Variants in GSK3B observed in about 807,000 individuals in gnomAD.
GSK3B encodes the protein glycogen synthase kinase 3 beta.
In GSK3B, 15 loss-of-function variants were observed where a neutral mutation model predicts 56.4. The observed-to-expected ratio is 0.27, with a 90% CI of 0.18 to 0.41. The LOEUF is 0.41. GSK3B is among the 10% of genes least tolerant of loss of function. GSK3B has a pLI of 1.00. For missense variants in GSK3B, 300 were observed against 513.4 expected, an observed-to-expected ratio of 0.58 and a Z score of 4.02; for synonymous variants, 181 against 188.9, an observed-to-expected ratio of 0.96 and a Z score of 0.34.
chr3:119,951,260 C>T (rs2057153656), intron 2 of GSK3B, among the ~76,000 whole-genome samples: 1 of 152,190 alleles, frequency 6.6e-6, no homozygotes, highest in Non-Finnish European at 1.5e-5. Flanking sequence ...TCCCAACTCA[C>T]ATATAGGATC....
In GSK3B at chr3:120,093,553, A is replaced by C. The variant is rs200974811; in HGVS notation, c.-119T>G. The C allele has an allele frequency of 1.0e-5, 7 of 670,810 alleles. No individual in the cohort carries two copies. Among genetic ancestry groups the C allele is most frequent in the Non-Finnish European group, 1.9e-5 (7 of 376,160 alleles). The allele number at this position is 670,810 out of a possible 1,614,324, so 41.6% of individuals were successfully genotyped here. ...TTAAGTTCTCCCACAGAAGAAAAAG[A>C]AAAAGACTTCGTCCTCTTGGCTTTT... On this transcript the variant is annotated 5_prime_UTR_variant, in exon 1 of 11. Coordinates refer to ENST00000264235, the MANE Select transcript of GSK3B (RefSeq NM_001146156.2).
intron 1 of GSK3B, among the ~76,000 whole-genome samples, chr3:120,078,125 T>C (rs2058382297): frequency 6.6e-6 from 1 of 152,018 alleles, no homozygotes; most frequent in Admixed American, 6.6e-5. Context: ...GACCACAAAC[T>C]TTTTTCTAAT....
intron 2 of GSK3B, among the ~76,000 whole-genome samples, chr3:119,982,799 G>A (rs977101634): frequency 2.6e-5 from 4 of 152,188 alleles, no homozygotes; most frequent in Admixed American, 2.0e-4. Flanking sequence ...TATTATCCAG[G>A]AGAACTTCCC....
intron 10 of GSK3B, among the ~76,000 whole-genome samples, chr3:119,834,245 A>G (rs778800241): frequency 2.6e-5 from 4 of 152,214 alleles, no homozygotes; most frequent in African/African-American, 9.6e-5. Flanking sequence ...CTGTAAAACT[A>G]TGTCTTAGAT....
intron 2 of GSK3B, among the ~76,000 whole-genome samples, chr3:119,979,046 T>C (rs1047103043): frequency 1.3e-5 from 2 of 152,246 alleles, no homozygotes; most frequent in Non-Finnish European, 2.9e-5. Context: ...CTCTCCACTG[T>C]GCTGTCTCCT....
intron 7 of GSK3B, among the ~76,000 whole-genome samples, chr3:119,895,402 T>G (rs1044099634): frequency 1.4e-5 from 2 of 147,598 alleles, no homozygotes; most frequent in Admixed American, 1.3e-4. Flanking sequence ...GATATCTCTT[T>G]GACATACTGA....
At chr3:119,842,434 A>C (rs1367540420) in intron 10 of GSK3B, among the ~76,000 whole-genome samples, 2 of 152,128 alleles carry the variant, frequency 1.3e-5, no homozygotes, top group African/African-American at 4.8e-5. Context: ...TATAAGTATA[A>C]ACTTATAATT....
At chr3:120,029,131 G>A (rs1172225658) in intron 1 of GSK3B, 8 of 717,644 alleles carry the variant, frequency 1.1e-5, no homozygotes, top group Admixed American at 2.2e-5. Context: ...GAGTTATTTT[G>A]ATGATATAAA....
intron 1 of GSK3B, among the ~76,000 whole-genome samples, chr3:120,089,340 T>C (rs1044875037): frequency 1.3e-5 from 2 of 152,188 alleles, no homozygotes; most frequent in African/African-American, 4.8e-5. Context: ...GGAAGTCGGG[T>C]TGGGAAATGA....
intron 7 of GSK3B, among the ~76,000 whole-genome samples, chr3:119,896,615 GA>G (rs1317232280): frequency 1.3e-5 from 2 of 152,066 alleles, no homozygotes; most frequent in Non-Finnish European, 2.9e-5. Context: ...TTAAAAACTA[GA>G]AATGCCCCTT....
chr3:119,860,907 T>A (rs1577321327), intron 9 of GSK3B, among the ~76,000 whole-genome samples: 1 of 152,202 alleles, frequency 6.6e-6, no homozygotes, highest in Non-Finnish European at 1.5e-5. Flanking sequence ...GTTATGAGGA[T>A]GGAGGAGGGC....
At chr3:120,070,615 T>G (rs1308242221) in intron 1 of GSK3B, among the ~76,000 whole-genome samples, 1 of 152,042 alleles carries the variant, frequency 6.6e-6, no homozygotes, top group Non-Finnish European at 1.5e-5. Context: ...CACTTTACAG[T>G]CGTGTCTGAA....
chr3:119,981,202 T>A (rs2057457613), intron 2 of GSK3B, among the ~76,000 whole-genome samples: 1 of 152,116 alleles, frequency 6.6e-6, no homozygotes, highest in African/African-American at 2.4e-5. Flanking sequence ...TCAACAAAAG[T>A]AAAGTTTACT....
intron 1 of GSK3B, among the ~76,000 whole-genome samples, chr3:120,044,976 T>C (rs979464405): frequency 6.6e-6 from 1 of 152,354 alleles, no homozygotes; most frequent in African/African-American, 2.4e-5. Flanking sequence ...GGTGGTTCAA[T>C]AAATGAAAAG....
chr3:119,890,640 T>C (rs2056490993), intron 7 of GSK3B, among the ~76,000 whole-genome samples: 1 of 151,704 alleles, frequency 6.6e-6, no homozygotes, highest in Non-Finnish European at 1.5e-5. Context: ...TTGACCAGGG[T>C]AGTGGTTATA....
intron 7 of GSK3B, among the ~76,000 whole-genome samples, chr3:119,902,930 G>C (rs928448555): frequency 1.3e-5 from 2 of 151,816 alleles, no homozygotes; most frequent in Non-Finnish European, 2.9e-5. Flanking sequence ...CCCTAGGCTA[G>C]TCTCAAACTC....
intron 1 of GSK3B, among the ~76,000 whole-genome samples, chr3:120,039,352 C>T (rs1031226595): frequency 2.0e-5 from 3 of 152,250 alleles, no homozygotes; most frequent in South Asian, 2.1e-4. Flanking sequence ...GATATTTACA[C>T]AAGTGAGTTG....
intron 7 of GSK3B, 114 bp from the exon 8 acceptor site, chr3:119,876,622 G>T: frequency 1.5e-6 from 1 of 657,534 alleles, no homozygotes. Context: ...AATAAAATAC[G>T]TAACTCATTA....
intron 4 of GSK3B, 51 bp downstream of exon 4, chr3:119,923,322 G>T (rs2056861346): frequency 2.2e-6 from 2 of 891,240 alleles, no homozygotes; most frequent in African/African-American, 1.7e-5. Flanking sequence ...GGCTCTCCTT[G>T]GTTCATAAAA....
Sources: gnomAD v4.1 joint callset for allele counts (sites outside exome capture counted in the v4.1 genomes callset) on GRCh38, gnomAD v4.1.1 for gene constraint, MANE v1.5 for transcripts, NCBI Gene and HGNC (gene_info 2026-07-23, HGNC 2026-07-21) for gene names.